The following CACNA2D3 variants were observed in gnomAD, a reference collection of about 807,000 sequenced individuals.
The protein encoded by CACNA2D3 is voltage-dependent calcium channel subunit alpha-2/delta-3.
Under a neutral mutation model 160.6 loss-of-function variants are expected in CACNA2D3, and 60 were observed. The ratio of observed to expected loss-of-function variants is 0.37; its 90% CI spans 0.30 to 0.46. The LOEUF (loss-of-function observed/expected upper bound fraction) is 0.46. CACNA2D3 is among the 20% of genes least tolerant of loss of function. The pLI, the probability that CACNA2D3 is intolerant of heterozygous loss-of-function variation, is 1.00. For synonymous variants in CACNA2D3, 558 were observed against 492.9 expected (o/e 1.13, Z -1.75); for missense variants, 1,205 against 1,365.0 (o/e 0.88, Z 1.85).
intron 11 of CACNA2D3, among the ~76,000 whole-genome samples, chr3:54,664,333 G>C (rs1481559103): frequency 1.3e-5 from 2 of 152,200 alleles, no homozygotes; most frequent in Non-Finnish European, 2.9e-5. Context: ...TTGTATCCTG[G>C]ATGCTTGACC....
chr3:54,729,930 C>T (rs542161761), intron 11 of CACNA2D3, among the ~76,000 whole-genome samples: 10 of 144,736 alleles, frequency 6.9e-5, no homozygotes, highest in Admixed American at 1.5e-4. Context: ...ACCCAGGAGG[C>T]GGAGCTTGCA....
intron 4 of CACNA2D3, among the ~76,000 whole-genome samples, chr3:54,482,014 A>AG (rs1700940955): frequency 6.6e-6 from 1 of 152,220 alleles, no homozygotes; most frequent in African/African-American, 2.4e-5. Context: ...TCCCTCTTAA[A>AG]GGTAACACTT....
At chr3:54,330,210 ATGTGTGTG>A (rs10591706) in intron 3 of CACNA2D3, among the ~76,000 whole-genome samples, 60,170 of 146,472 alleles carry the variant, frequency 0.41, 12,593 homozygotes, top group Middle Eastern at 0.55. Context: ...TTTAATTGAT[ATGTGTGTG>A]TGTGTGTGTG....
intron 4 of CACNA2D3, among the ~76,000 whole-genome samples, chr3:54,494,851 A>G (rs1701178828): frequency 6.6e-6 from 1 of 152,126 alleles, no homozygotes; most frequent in African/African-American, 2.4e-5. Flanking sequence ...AGAGAGAGCA[A>G]GCATGAAGGG....
chr3:54,568,335 G>C (rs551067257), intron 6 of CACNA2D3, among the ~76,000 whole-genome samples: 3 of 152,152 alleles, frequency 2.0e-5, no homozygotes, highest in Non-Finnish European at 4.4e-5. Flanking sequence ...AGGGATTTAC[G>C]TACATTCTGG....
intron 3 of CACNA2D3, among the ~76,000 whole-genome samples, chr3:54,362,851 G>A (rs1352769932): frequency 2.0e-5 from 3 of 152,144 alleles, no homozygotes; most frequent in Non-Finnish European, 4.4e-5. Flanking sequence ...TGTTGATATC[G>A]CAATGAGATG....
intron 34 of CACNA2D3, among the ~76,000 whole-genome samples, chr3:55,012,693 C>T (rs1019857829): frequency 2.0e-5 from 3 of 152,034 alleles, no homozygotes; most frequent in Admixed American, 1.3e-4. Flanking sequence ...GAATCTGGTG[C>T]GTAGAGGCCA....
At chr3:54,316,500 G>A (rs1703866015) in intron 2 of CACNA2D3, among the ~76,000 whole-genome samples, 1 of 152,192 alleles carries the variant, frequency 6.6e-6, no homozygotes, top group Admixed American at 6.5e-5. Flanking sequence ...ACTTCCCCAG[G>A]ATGATAAGAA....
chr3:54,943,910 C>T (rs138794157), intron 27 of CACNA2D3, among the ~76,000 whole-genome samples: 21 of 152,272 alleles, frequency 1.4e-4, no homozygotes, highest in African/African-American at 4.8e-4. Context: ...AGGTGATGAA[C>T]ATTTTCCAGT....
At chr3:54,383,351 G>A (rs532894553) in intron 3 of CACNA2D3, among the ~76,000 whole-genome samples, 5 of 152,266 alleles carry the variant, frequency 3.3e-5, no homozygotes, top group African/African-American at 1.2e-4. Context: ...CTCAGAAAAT[G>A]TAGGCCTGTC....
chr3:54,916,599 C>G (rs1354330760), intron 27 of CACNA2D3, among the ~76,000 whole-genome samples: 2 of 152,200 alleles, frequency 1.3e-5, no homozygotes, highest in Non-Finnish European at 2.9e-5. Context: ...CATCTTTAGC[C>G]TCTGGGTGTG....
At chr3:54,545,929 TA>T (rs1702056895) in intron 5 of CACNA2D3, among the ~76,000 whole-genome samples, 1 of 152,154 alleles carries the variant, frequency 6.6e-6, no homozygotes, top group African/African-American at 2.4e-5. Context: ...ATCCAAGGCT[TA>T]ATAGGTTTAA....
At position 54,707,430 on chromosome 3, in the gene CACNA2D3, G is replaced by A. The variant is rs545341759; in HGVS notation, c.1168-45169G>A. ...CCCTGGCTCATCCTGCCATCAATCC[G>A]ATGCCTCAGTGCAAAAGACATTCAC... On this transcript the variant is annotated intron_variant, in intron 11 of 37. Transcript: ENST00000474759. Among the ~76,000 whole-genome samples the A allele has an allele frequency of 1.6e-4, 25 of 152,254 alleles. No homozygotes were observed. In the South Asian group the frequency reaches 1.7e-3, roughly 10 times the overall value.
intron 11 of CACNA2D3, among the ~76,000 whole-genome samples, chr3:54,681,594 G>C (rs888824374): frequency 6.6e-6 from 1 of 151,354 alleles, no homozygotes; most frequent in Non-Finnish European, 1.5e-5. Flanking sequence ...ATATTAAACA[G>C]AGGTGGACAT....
chr3:54,232,261 G>T, intron 2 of CACNA2D3, among the ~76,000 whole-genome samples: 1 of 152,136 alleles, frequency 6.6e-6, no homozygotes, highest in East Asian at 1.9e-4. Flanking sequence ...GAAGCTTGGG[G>T]GTTTTCAGCT....
At chr3:54,744,373 C>T (rs1018114487) in intron 11 of CACNA2D3, among the ~76,000 whole-genome samples, 5 of 152,222 alleles carry the variant, frequency 3.3e-5, no homozygotes, top group Admixed American at 6.5e-5. Flanking sequence ...CTTAGACAGT[C>T]CTGGGTTTTG....
chr3:54,284,775 A>G (rs377626231), intron 2 of CACNA2D3, among the ~76,000 whole-genome samples: 1 of 152,326 alleles, frequency 6.6e-6, no homozygotes. Flanking sequence ...TCATTGCAGC[A>G]TTGTTTACAA....
chr3:54,597,450 G>C (rs952436811), intron 9 of CACNA2D3, among the ~76,000 whole-genome samples: 1 of 152,008 alleles, frequency 6.6e-6, no homozygotes, highest in Non-Finnish European at 1.5e-5. Context: ...AGTCTCAGTG[G>C]GCACTTGTAC....
chr3:54,268,885 G>A (rs1247527632), intron 2 of CACNA2D3, among the ~76,000 whole-genome samples: 3 of 152,172 alleles, frequency 2.0e-5, no homozygotes, highest in Admixed American at 1.3e-4. Flanking sequence ...CTTGAAGGCA[G>A]ACTAAGTTTG....
Sources: gnomAD v4.1 joint callset for allele counts (sites outside exome capture counted in the v4.1 genomes callset) on GRCh38, gnomAD v4.1.1 for gene constraint, MANE v1.5 for transcripts, NCBI Gene and HGNC (gene_info 2026-07-23, HGNC 2026-07-21) for gene names.